The following PARD3 variants were observed in gnomAD, a reference collection of about 807,000 sequenced individuals.
PARD3 encodes the protein par-3 family cell polarity regulator, also known as partitioning defective 3 homolog.
A neutral mutation model predicts 155.4 loss-of-function variants in PARD3; 75 were observed. The observed-to-expected ratio is 0.48, with a 90% CI of 0.40 to 0.58. The LOEUF is 0.58. PARD3 is among the 20% of genes least tolerant of loss of function. The pLI, the probability that PARD3 is intolerant of heterozygous loss-of-function variation, is 0.00. For synonymous variants in PARD3, 576 were observed against 610.5 expected (o/e 0.94, Z 0.83); for missense variants, 1,642 against 1,721.7 (o/e 0.95, Z 0.82).
intron 1 of PARD3, among the ~76,000 whole-genome samples, chr10:34,801,109 T>C (rs1842804897): frequency 6.6e-6 from 1 of 152,158 alleles, no homozygotes; most frequent in South Asian, 2.1e-4. Context: ...TCACTTCCAT[T>C]AGCAAAGCAC....
chr10:34,696,504 GCC>G (rs1411600386), intron 1 of PARD3, 85 bp from the exon 2 acceptor site: 2 of 854,256 alleles, frequency 2.3e-6, no homozygotes, highest in East Asian at 4.9e-5. Flanking sequence ...ATAACTTCCT[GCC>G]CATAAAAAGG....
chr10:34,465,485 T>C (rs1422591429), intron 4 of PARD3, among the ~76,000 whole-genome samples: 1 of 151,858 alleles, frequency 6.6e-6, no homozygotes, highest in Non-Finnish European at 1.5e-5. Flanking sequence ...GTATCGGGGG[T>C]ATTGGAAAGA....
At chr10:34,354,823 C>G (rs1589281466) in intron 14 of PARD3, among the ~76,000 whole-genome samples, 1 of 152,084 alleles carries the variant, frequency 6.6e-6, no homozygotes, top group Non-Finnish European at 1.5e-5. Context: ...ACTGGTTGAT[C>G]CTGGAGACAT....
chr10:34,605,452 C>A (rs1475755060), intron 2 of PARD3, among the ~76,000 whole-genome samples: 2 of 146,202 alleles, frequency 1.4e-5, no homozygotes, highest in African/African-American at 5.0e-5. Flanking sequence ...CTCGGCCTCC[C>A]AAAGTGCTGG....
At chr10:34,314,523 G>T (rs1438961578) in intron 20 of PARD3, among the ~76,000 whole-genome samples, 2 of 152,208 alleles carry the variant, frequency 1.3e-5, no homozygotes, top group East Asian at 1.9e-4. Context: ...AGGGGCACTA[G>T]ACAAGATGCT....
intron 23 of PARD3, among the ~76,000 whole-genome samples, chr10:34,120,039 T>A (rs1200318468): frequency 7.6e-6 from 1 of 131,288 alleles, no homozygotes; most frequent in Admixed American, 8.4e-5. Context: ...TTTTTAGAGA[T>A]GGGATCTCAC....
Position 34,378,037 on chromosome 10 carries a change from A to C in PARD3, c.1469T>G (p.Val490Gly). Residue 490 changes from valine (V) to glycine (G), a missense_variant, in exon 10 of 25, where the codon GTG (valine) becomes GGG (glycine). Val to Gly is a moderately radical substitution (Grantham distance 109). Coordinates refer to ENST00000374788, the MANE Select transcript of PARD3 (RefSeq NM_001184785.2). ...CGCCCCCCGGGGGAGAATGTTTTTC[A>C]CATAGATTGGAGCTGAGCCACCTAT... ...VTIGGSAPIY[V>G]KNILPRGAAI... The C allele has an allele frequency of 6.3e-7, 1 of 1,595,246 alleles. No individual in the cohort carries two copies. The highest frequency in any genetic ancestry group is 8.5e-7 in the Non-Finnish European group (1 of 1,172,404).
At chr10:34,751,260 A>C (rs1427237293) in intron 1 of PARD3, among the ~76,000 whole-genome samples, 1 of 152,238 alleles carries the variant, frequency 6.6e-6, no homozygotes, top group Non-Finnish European at 1.5e-5. Context: ...TTACCTAATA[A>C]ATGGAATTGG....
intron 22 of PARD3, among the ~76,000 whole-genome samples, chr10:34,140,907 C>T (rs1948155738): frequency 6.6e-6 from 1 of 151,900 alleles, no homozygotes; most frequent in Admixed American, 6.6e-5. Context: ...GTATTTATAA[C>T]ATCTGAAATT....
intron 1 of PARD3, among the ~76,000 whole-genome samples, chr10:34,760,333 C>CT (rs992734813): frequency 3.9e-5 from 6 of 152,082 alleles, no homozygotes; most frequent in African/African-American, 1.2e-4. Flanking sequence ...CAATCTACTA[C>CT]TTTTTTTGTT....
At chr10:34,347,930 A>C in intron 15 of PARD3, 35 bp downstream of exon 15, 2 of 1,571,474 alleles carry the variant, frequency 1.3e-6, no homozygotes, top group African/African-American at 2.7e-5. Context: ...AAGCATCAAA[A>C]TAAGATGTGA....
chr10:34,282,077 GA>G (rs1177446207), intron 21 of PARD3, among the ~76,000 whole-genome samples: 3 of 131,246 alleles, frequency 2.3e-5, no homozygotes, highest in African/African-American at 8.9e-5. Flanking sequence ...ACGACATATG[GA>G]AGAATGCTTG....
At position 34,648,743 on chromosome 10, in the gene PARD3, C is replaced by T. The variant is rs374051622; in HGVS notation, c.222+47575G>A. On this transcript the variant is annotated intron_variant, in intron 2 of 24. Transcript: ENST00000374788. Reference sequence around the variant, plus strand: ...TGGACCAGTACCACACAGTGGTCTGCGGGTTGGGGACCCCTGATATAAACA... The same window carrying T: ...TGGACCAGTACCACACAGTGGTCTGTGGGTTGGGGACCCCTGATATAAACA... Among the ~76,000 whole-genome samples, 6 of 152,296 alleles carry T rather than the reference C, an allele frequency of 3.9e-5. No homozygotes were observed. In the Middle Eastern group the frequency reaches 0.01, roughly 259 times the overall value.
intron 22 of PARD3, among the ~76,000 whole-genome samples, chr10:34,254,964 G>C (rs933368816): frequency 1.3e-5 from 2 of 152,078 alleles, no homozygotes; most frequent in African/African-American, 4.8e-5. Context: ...CAGACCAAAG[G>C]AAAGAAGGAA....
chr10:34,354,608 G>A (rs1292620437), intron 14 of PARD3, among the ~76,000 whole-genome samples: 1 of 152,110 alleles, frequency 6.6e-6, no homozygotes, highest in Non-Finnish European at 1.5e-5. Flanking sequence ...AAATCCTTTG[G>A]AAGAGAAAAT....
chr10:34,398,666 T>C (rs1843589512), intron 7 of PARD3, among the ~76,000 whole-genome samples: 3 of 152,192 alleles, frequency 2.0e-5, no homozygotes, highest in African/African-American at 4.8e-5. Flanking sequence ...TTCATACTAT[T>C]TGAATACATT....
intron 22 of PARD3, among the ~76,000 whole-genome samples, chr10:34,150,760 G>A (rs1390462342): frequency 6.6e-6 from 1 of 152,124 alleles, no homozygotes; most frequent in East Asian, 1.9e-4. Context: ...ACTTCTATGA[G>A]TGCTAAGGTT....
intron 22 of PARD3, among the ~76,000 whole-genome samples, chr10:34,143,585 C>T (rs1948313082): frequency 6.6e-6 from 1 of 152,084 alleles, no homozygotes; most frequent in African/African-American, 2.4e-5. Flanking sequence ...CGAAACTAAG[C>T]TATGTTTTTT....
At chr10:34,288,703 A>T (rs532435198) in intron 20 of PARD3, among the ~76,000 whole-genome samples, 23 of 152,338 alleles carry the variant, frequency 1.5e-4, no homozygotes, top group Non-Finnish European at 3.4e-4. Context: ...GTTATCTTTT[A>T]AAAGCCATGG....
Sources: gnomAD v4.1 joint callset for allele counts (sites outside exome capture counted in the v4.1 genomes callset) on GRCh38, gnomAD v4.1.1 for gene constraint, MANE v1.5 for transcripts, NCBI Gene and HGNC (gene_info 2026-07-23, HGNC 2026-07-21) for gene names.